The following LRMDA variants were observed in gnomAD, a reference collection of about 807,000 sequenced individuals.
LRMDA encodes leucine-rich melanocyte differentiation-associated protein.
Under a neutral mutation model 29.8 loss-of-function variants are expected in LRMDA, and 18 were observed. That is an observed-to-expected ratio of 0.60 (90% CI 0.42 to 0.90). The LOEUF (loss-of-function observed/expected upper bound fraction) is 0.90, where lower values mean the gene tolerates loss of function less well. Among genes scored for constraint, LRMDA ranks in the 40% least tolerant of loss-of-function variants. LRMDA has a pLI of 0.00. For missense variants in LRMDA, 273 were observed against 273.9 expected (o/e 1.00, Z 0.02); for synonymous variants, 125 against 109.4 (o/e 1.14, Z -0.89).
At chr10:76,489,721 T>A (rs1357726959) in intron 6 of LRMDA, among the ~76,000 whole-genome samples, 1 of 151,904 alleles carries the variant, frequency 6.6e-6, no homozygotes, top group East Asian at 1.9e-4. Context: ...TTATCAGTCA[T>A]TTCAAAAAAT....
At chr10:75,742,863 C>T (rs1336482766) in intron 2 of LRMDA, 1 of 152,250 alleles carries the variant, frequency 6.6e-6, no homozygotes, top group Non-Finnish European at 1.5e-5. Context: ...CTCCAGGTGA[C>T]TTTAATAGCA....
intron 5 of LRMDA, among the ~76,000 whole-genome samples, chr10:76,153,198 T>C (rs1239913025): frequency 6.6e-6 from 1 of 152,210 alleles, no homozygotes; most frequent in East Asian, 1.9e-4. Flanking sequence ...ACAAGAGTTC[T>C]TTATATATTC....
At chr10:75,803,880 C>A (rs1843799334) in intron 2 of LRMDA, among the ~76,000 whole-genome samples, 3 of 152,218 alleles carry the variant, frequency 2.0e-5, no homozygotes, top group South Asian at 2.1e-4. Flanking sequence ...CTTTCCCCTG[C>A]AGCACAATCA....
At chr10:76,507,477 C>A (rs1396954614) in intron 6 of LRMDA, among the ~76,000 whole-genome samples, 1 of 151,884 alleles carries the variant, frequency 6.6e-6, no homozygotes, top group Non-Finnish European at 1.5e-5. Flanking sequence ...GTCTCTGAGT[C>A]TTCTTATCCT....
chr10:75,516,021 A>G (rs1845284700), intron 2 of LRMDA, among the ~76,000 whole-genome samples: 1 of 152,230 alleles, frequency 6.6e-6, no homozygotes, highest in South Asian at 2.1e-4. Flanking sequence ...ATGTCCCTGC[A>G]AAAGACATGA....
chr10:76,352,570 G>T (rs949799979), intron 6 of LRMDA, among the ~76,000 whole-genome samples: 4 of 151,964 alleles, frequency 2.6e-5, no homozygotes, highest in Admixed American at 6.6e-5. Flanking sequence ...ACTCAGAATG[G>T]CATGCAATTT....
chr10:76,098,985 A>G (rs1849356112), intron 5 of LRMDA, among the ~76,000 whole-genome samples: 1 of 152,190 alleles, frequency 6.6e-6, no homozygotes, highest in South Asian at 2.1e-4. Flanking sequence ...GTGCTAGCTG[A>G]TTCATCAAGT....
chr10:76,321,532 C>CTTT (rs79862487), intron 5 of LRMDA, among the ~76,000 whole-genome samples: 4 of 145,670 alleles, frequency 2.7e-5, no homozygotes, highest in Admixed American at 6.9e-5. Flanking sequence ...TAAAGACATT[C>CTTT]TTTTTTTTTT....
intron 5 of LRMDA, among the ~76,000 whole-genome samples, chr10:76,111,148 C>G (rs2132113495): frequency 6.6e-6 from 1 of 152,344 alleles, no homozygotes; most frequent in South Asian, 2.1e-4. Flanking sequence ...GGCAGCCTTC[C>G]TCCAAGACCA....
rs59982597 is a variant in LRMDA at position 75,552,415 on chromosome 10, T to G, written c.131+113921T>G. 2,357 of 271,988 alleles carry G rather than the reference T, an allele frequency of 8.7e-3. 68 individuals carry two copies. Among genetic ancestry groups the G allele is most frequent in the African/African-American group, 0.056 (2,201 of 39,422 alleles). 16.8% of individuals were successfully genotyped at this position (271,988 alleles called of 1,614,324 possible). Reference sequence around the variant, plus strand: ...TGTCATTCTTAGCTTTGTTCTGTGTTTTTTTTTTTTCCCCCCCCTCTGGCT... The same window carrying G: ...TGTCATTCTTAGCTTTGTTCTGTGTGTTTTTTTTTTCCCCCCCCTCTGGCT... On this transcript the variant is annotated intron_variant, in intron 2 of 6. Transcript: ENST00000611255.
At chr10:76,153,688 G>A (rs1850487929) in intron 5 of LRMDA, among the ~76,000 whole-genome samples, 1 of 152,182 alleles carries the variant, frequency 6.6e-6, no homozygotes. Context: ...TAATCTAAGA[G>A]TTTAAATCAC....
chr10:76,409,611 T>C (rs1589170319), intron 6 of LRMDA, among the ~76,000 whole-genome samples: 1 of 152,274 alleles, frequency 6.6e-6, no homozygotes, highest in Middle Eastern at 3.4e-3. Flanking sequence ...CTGTTGAAAA[T>C]TGACATTTTT....
chr10:75,979,653 C>T (rs1021980094), intron 2 of LRMDA, among the ~76,000 whole-genome samples: 2 of 152,054 alleles, frequency 1.3e-5, no homozygotes, highest in African/African-American at 2.4e-5. Flanking sequence ...CCCTTTCTTC[C>T]CTTTTCCCCT....
At chr10:75,620,011 A>G (rs1197252307) in intron 2 of LRMDA, among the ~76,000 whole-genome samples, 2 of 152,112 alleles carry the variant, frequency 1.3e-5, no homozygotes, top group Non-Finnish European at 2.9e-5. Flanking sequence ...ATGTTGTGTC[A>G]TCCACACTCA....
intron 2 of LRMDA, among the ~76,000 whole-genome samples, chr10:75,919,417 G>A (rs1845990969): frequency 6.6e-6 from 1 of 151,872 alleles, no homozygotes; most frequent in Non-Finnish European, 1.5e-5. Context: ...GTTTTATTCA[G>A]CTCAGTGCCA....
At chr10:75,438,611 C>A in intron 2 of LRMDA, 117 bp downstream of exon 2, 1 of 744,924 alleles carries the variant, frequency 1.3e-6, no homozygotes, top group Non-Finnish European at 2.3e-6. Flanking sequence ...TCCTTTTATT[C>A]AGCAGAAGGC....
intron 2 of LRMDA, among the ~76,000 whole-genome samples, chr10:75,605,611 A>G (rs1446815268): frequency 2.0e-5 from 3 of 152,248 alleles, no homozygotes; most frequent in African/African-American, 4.8e-5. Flanking sequence ...GGCACATTCT[A>G]ACCCCTCCTG....
At chr10:76,152,131 G>A (rs191367823) in intron 5 of LRMDA, among the ~76,000 whole-genome samples, 105 of 152,214 alleles carry the variant, frequency 6.9e-4, no homozygotes, top group Admixed American at 1.4e-3. Flanking sequence ...AAACATTTCC[G>A]TCATTCCAAA....
intron 2 of LRMDA, among the ~76,000 whole-genome samples, chr10:75,710,823 T>A (rs1041720171): frequency 1.3e-5 from 2 of 152,350 alleles, no homozygotes; most frequent in Non-Finnish European, 2.9e-5. Flanking sequence ...GCTTAGTCAT[T>A]TGCAGTTTGC....
Sources: allele counts gnomAD v4.1 joint callset (sites outside exome capture counted in the v4.1 genomes callset), GRCh38; gene constraint gnomAD v4.1.1; transcripts MANE v1.5; gene names NCBI Gene and HGNC (gene_info 2026-07-23, HGNC 2026-07-21).